Variants in TNRC6B observed in about 807,000 individuals in gnomAD.
TNRC6B encodes the protein trinucleotide repeat-containing gene 6B protein.
TNRC6B carries 52 observed loss-of-function variants against 203.6 expected under a neutral mutation model. The observed-to-expected ratio is 0.26, with a 90% confidence interval of 0.20 to 0.32. The LOEUF (loss-of-function observed/expected upper bound fraction) is 0.32, where lower values mean the gene tolerates loss of function less well. Among genes scored for constraint, TNRC6B ranks in the 10% least tolerant of loss-of-function variants. The probability of loss-of-function intolerance (pLI) is 1.00; values close to 1 mark genes in which losing one functional copy is unlikely to be tolerated. For missense variants in TNRC6B, 1,923 were observed against 2,286.2 expected, an observed-to-expected ratio of 0.84 and a Z score of 3.24; for synonymous variants, 838 against 845.7, an observed-to-expected ratio of 0.99 and a Z score of 0.16.
At chr22:40,192,571 C>G (rs919954129) in intron 1 of TNRC6B, among the ~76,000 whole-genome samples, 3 of 152,078 alleles carry the variant, frequency 2.0e-5, no homozygotes, top group Non-Finnish European at 4.4e-5. Flanking sequence ...GAGCCGAGAT[C>G]GAGCCACTGC....
intron 1 of TNRC6B, among the ~76,000 whole-genome samples, chr22:40,105,160 G>A (rs2068272451): frequency 6.6e-6 from 1 of 152,230 alleles, no homozygotes; most frequent in African/African-American, 2.4e-5. Flanking sequence ...AGACAAGGCT[G>A]AGGATGAAGG....
intron 3 of TNRC6B, among the ~76,000 whole-genome samples, chr22:40,257,358 A>C (rs925243860): frequency 6.6e-6 from 1 of 152,164 alleles, no homozygotes; most frequent in Non-Finnish European, 1.5e-5. Context: ...AGAATGGAAT[A>C]AGAAAAATGG....
chr22:40,241,230 A>G (rs1280942215), intron 1 of TNRC6B, among the ~76,000 whole-genome samples: 3 of 152,170 alleles, frequency 2.0e-5, no homozygotes, highest in South Asian at 2.1e-4. Flanking sequence ...TGCTGATCCA[A>G]TGCTGTCACC....
chr22:40,217,972 C>A (rs200121651), intron 1 of TNRC6B, among the ~76,000 whole-genome samples: 97 of 112,666 alleles, frequency 8.6e-4, no homozygotes, highest in African/African-American at 1.4e-3. Context: ...GACTCCATCT[C>A]AAAAAAAAAA....
intron 12 of TNRC6B, among the ~76,000 whole-genome samples, chr22:40,290,845 T>C (rs578134858): frequency 6.6e-6 from 1 of 152,246 alleles, no homozygotes; most frequent in Non-Finnish European, 1.5e-5. Flanking sequence ...CATATCAGAG[T>C]GATTTCAAAA....
chr22:40,229,571 C>G (rs377397082), intron 1 of TNRC6B, among the ~76,000 whole-genome samples: 2 of 131,196 alleles, frequency 1.5e-5, no homozygotes, highest in Non-Finnish European at 3.6e-5. Context: ...CTTCACCACC[C>G]TCTGTCTCCT....
intron 6 of TNRC6B, 44 bp from the exon 7 acceptor site, chr22:40,273,381 T>C: frequency 6.7e-7 from 1 of 1,499,036 alleles, no homozygotes; most frequent in Middle Eastern, 1.8e-4. Context: ...TGATGATTGT[T>C]TTATATAGCT....
chr22:40,315,630 C>A, intron 20 of TNRC6B, 123 bp downstream of exon 20: 1 of 1,141,914 alleles, frequency 8.8e-7, no homozygotes, highest in Non-Finnish European at 1.2e-6. Context: ...GCTTTTTCTT[C>A]TGGTAGAGGA....
chr22:40,209,816 C>G (rs1394196845), intron 1 of TNRC6B, among the ~76,000 whole-genome samples: 1 of 152,080 alleles, frequency 6.6e-6, no homozygotes, highest in Non-Finnish European at 1.5e-5. Context: ...GTCAGCAGTT[C>G]AACACCAGCC....
At chr22:40,211,186 C>T (rs2069557357) in intron 1 of TNRC6B, among the ~76,000 whole-genome samples, 1 of 152,054 alleles carries the variant, frequency 6.6e-6, no homozygotes, top group African/African-American at 2.4e-5. Context: ...GCTCCTGGCT[C>T]ACTGCAGCCT....
intron 2 of TNRC6B, among the ~76,000 whole-genome samples, chr22:40,249,335 T>C (rs2070152124): frequency 6.6e-6 from 1 of 152,218 alleles, no homozygotes; most frequent in Admixed American, 6.5e-5. Flanking sequence ...GACACTTACT[T>C]AAAGCTAAAA....
intron 1 of TNRC6B, among the ~76,000 whole-genome samples, chr22:40,232,922 C>A (rs2899335): frequency 1.7e-4 from 26 of 151,904 alleles, no homozygotes; most frequent in African/African-American, 5.8e-4. Flanking sequence ...GAGGCTGAGG[C>A]GGGCAGAACA....
At chr22:40,045,320 C>A (rs886934900) in intron 1 of TNRC6B, among the ~76,000 whole-genome samples, 2 of 147,686 alleles carry the variant, frequency 1.4e-5, no homozygotes, top group Admixed American at 6.7e-5. Flanking sequence ...GGCCGGGGCG[C>A]CCCGAACGGC....
intron 3 of TNRC6B, among the ~76,000 whole-genome samples, chr22:40,253,311 T>C (rs1053418512): frequency 1.3e-5 from 2 of 151,070 alleles, no homozygotes; most frequent in Non-Finnish European, 3.0e-5. Context: ...AGGATGGTCT[T>C]GGTGTCCTGA....
chr22:40,310,916 G>C lies in TNRC6B; in HGVS notation c.4358G>C (p.Gly1453Ala). 6.2e-7 allele frequency: 1 copy of C among 1,611,414 alleles called. No homozygotes were observed. Among genetic ancestry groups the C allele is most frequent in the Non-Finnish European group, 8.5e-7 (1 of 1,179,138 alleles). ...DTLGGHTGPA[G>A]DSWLPAKSPP... ...CTGGGTGGCCATACGGGTCCTGCTG[G>C]TGATAGCTGGTTACCTGCCAAATCT... The change falls in exon 17 of 23, where the codon GGT becomes GCT. Residue 1453 changes from glycine (G) to alanine (A), a missense_variant. By Grantham distance (60) the Gly-to-Ala change is moderately conservative. Transcript: ENST00000454349.
At position 40,302,277 on chromosome 22, in the gene TNRC6B, T is replaced by A. The variant is rs142019350; in HGVS notation, c.4120+944T>A. Among the ~76,000 whole-genome samples the A allele has an allele frequency of 1.7e-3, 259 of 152,300 alleles. 1 individual carries two copies. Among genetic ancestry groups the A allele is most frequent in the Admixed American group, 2.6e-3 (40 of 15,292 alleles). ...AAAGATACCACACACCATCATAGTT[T>A]CATCTCAAACTGACAACATTTAGAA... On this transcript the variant is annotated intron_variant, in intron 15 of 22. Coordinates refer to ENST00000454349, the MANE Select transcript of TNRC6B (RefSeq NM_001162501.2).
chr22:40,185,605 A>AG (rs2069191161), intron 1 of TNRC6B, among the ~76,000 whole-genome samples: 1 of 152,140 alleles, frequency 6.6e-6, no homozygotes, highest in African/African-American at 2.4e-5. Flanking sequence ...AAGGTGGAGG[A>AG]GGACTAGGTG....
At chr22:40,216,529 A>G (rs531450250) in intron 1 of TNRC6B, among the ~76,000 whole-genome samples, 2 of 152,264 alleles carry the variant, frequency 1.3e-5, no homozygotes, top group Non-Finnish European at 2.9e-5. Context: ...CGTGAATCCC[A>G]TGAACCCAGG....
chr22:40,206,264 T>A (rs573030058), intron 1 of TNRC6B, among the ~76,000 whole-genome samples: 4 of 152,342 alleles, frequency 2.6e-5, no homozygotes, highest in South Asian at 4.1e-4. Flanking sequence ...GATTGGGTAC[T>A]GTTTCTAAAG....
Sources: gnomAD v4.1 joint callset for allele counts (sites outside exome capture counted in the v4.1 genomes callset) on GRCh38, gnomAD v4.1.1 for gene constraint, MANE v1.5 for transcripts, NCBI Gene and HGNC (gene_info 2026-07-23, HGNC 2026-07-21) for gene names.